Variants in UNC13A observed in about 807,000 individuals in gnomAD.
The protein encoded by UNC13A is unc-13 homolog A.
A neutral mutation model predicts 219.7 loss-of-function variants in UNC13A; 61 were observed. The ratio of observed to expected loss-of-function variants is 0.28; its 90% CI spans 0.23 to 0.34. The LOEUF is 0.34. UNC13A is among the 10% of genes least tolerant of loss of function. UNC13A has a pLI of 1.00. For missense variants in UNC13A, 1,476 were observed against 2,270.3 expected (o/e 0.65, Z 7.11); for synonymous variants, 920 against 884.6 (o/e 1.04, Z -0.71).
intron 4 of UNC13A, among the ~76,000 whole-genome samples, chr19:17,670,377 A>T (rs1029989465): frequency 6.6e-6 from 1 of 151,758 alleles, no homozygotes; most frequent in Non-Finnish European, 1.5e-5. Flanking sequence ...AGCTGCTGGG[A>T]TTACAGGTAC....
intron 1 of UNC13A, among the ~76,000 whole-genome samples, chr19:17,684,162 G>T (rs1036258960): frequency 1.3e-5 from 2 of 152,134 alleles, no homozygotes; most frequent in Non-Finnish European, 2.9e-5. Flanking sequence ...AGGAAGATCT[G>T]GAAGTAACCC....
intron 1 of UNC13A, among the ~76,000 whole-genome samples, chr19:17,676,889 CT>C (rs572007114): frequency 2.0e-5 from 3 of 152,278 alleles, no homozygotes; most frequent in African/African-American, 7.2e-5. Context: ...TGGCAGGCGC[CT>C]ATAGTCTCAG....
chr19:17,631,220 CTTCT>C (rs2076850745), intron 28 of UNC13A, among the ~76,000 whole-genome samples: 1 of 30,368 alleles, frequency 3.3e-5, no homozygotes, highest in African/African-American at 1.8e-4. Flanking sequence ...TCCTTCCTTC[CTTCT>C]TCCTTCCTTC....
At position 17,647,245 on chromosome 19, in the gene UNC13A, G is replaced by A. The variant is rs1452702332; in HGVS notation, c.2044+20C>T. ...GAGGGTGGAGAAGGAGGGGCCCTAT[G>A]GCGGCCCACGCCCCCTCACCGGTGA... is the stretch of plus-strand genomic sequence containing the variant. On this transcript the variant is annotated intron_variant, in intron 17 of 43. Coordinates refer to ENST00000519716, the MANE Select transcript of UNC13A (RefSeq NM_001080421.3). The A allele has an allele frequency of 9.0e-6, 14 of 1,548,652 alleles. No homozygotes were observed. In the East Asian group the frequency reaches 2.9e-4, roughly 32 times the overall value.
At chr19:17,670,601 A>G (rs897946181) in intron 4 of UNC13A, among the ~76,000 whole-genome samples, 1 of 151,924 alleles carries the variant, frequency 6.6e-6, no homozygotes, top group Non-Finnish European at 1.5e-5. Context: ...GCATTCATTC[A>G]TTCAAAAACA....
intron 37 of UNC13A, among the ~76,000 whole-genome samples, chr19:17,621,004 G>A (rs2076723978): frequency 6.6e-6 from 1 of 152,234 alleles, no homozygotes; most frequent in South Asian, 2.1e-4. Flanking sequence ...TGGGGCACCT[G>A]GGGAGGTGGG....
chr19:17,642,712 TA>T, intron 20 of UNC13A, 132 bp downstream of exon 20: 1 of 744,234 alleles, frequency 1.3e-6, no homozygotes, highest in Non-Finnish European at 2.1e-6. Context: ...GTTTTCCAGG[TA>T]AAGGGAATGG....
chr19:17,653,404 G>A (rs188143248), intron 11 of UNC13A, among the ~76,000 whole-genome samples: 74 of 151,690 alleles, frequency 4.9e-4, no homozygotes, highest in Non-Finnish European at 8.8e-4. Flanking sequence ...CTGGAGTGCA[G>A]TGGCGCAATC....
rs768424710 is a variant in UNC13A at position 17,606,054 on chromosome 19, C to G, written c.5112G>C (p.Ter1704TyrextTer56). 6.5e-7 allele frequency: 1 copy of G among 1,544,320 alleles called. No homozygotes were observed. The highest frequency in any genetic ancestry group is 1.9e-4 in the Middle Eastern group (1 of 5,212). ...AGTGCCGCTCGGCCGACCGCCCGCGCTAAGGCGCAGGCGCGGCACCGCCCT... is the reference window on the plus strand; with the variant it reads ...AGTGCCGCTCGGCCGACCGCCCGCGGTAAGGCGCAGGCGCGGCACCGCCCT... ...AEEGGAAPAP[*>Y] is the part of the protein sequence containing the mutation. Residue 1704 changes from the stop codon to tyrosine (Y), a stop_lost, in exon 44 of 44, where the codon TAG (stop) becomes TAC (tyrosine). Transcript: ENST00000519716.
intron 1 of UNC13A, among the ~76,000 whole-genome samples, chr19:17,684,535 C>G (rs1217255300): frequency 1.3e-5 from 2 of 152,174 alleles, no homozygotes; most frequent in Non-Finnish European, 2.9e-5. Flanking sequence ...GCCTCAGGAT[C>G]CTGCCAAGAC....
chr19:17,620,693 G>T lies in UNC13A; in HGVS notation c.4272C>A (p.Asp1424Glu). ...ACAGACAGTGAGAGGCCGGTCTTAC[G>T]TCTGAGTGGCTTGGCAATTTCACCC... ...KGRVKLPSHS[D>E]GTQMIFNAAK... The change falls in exon 38 of 44, where the codon GAC becomes GAA. Residue 1424 changes from aspartate (D) to glutamate (E), a missense_variant and splice_region_variant. Physicochemically the swap from Asp to Glu is conservative, Grantham distance 45. Coordinates refer to ENST00000519716, the MANE Select transcript of UNC13A (RefSeq NM_001080421.3). The T allele has an allele frequency of 6.2e-7, 1 of 1,613,390 alleles. No homozygotes were observed. The highest frequency in any genetic ancestry group is 8.5e-7 in the Non-Finnish European group (1 of 1,179,720).
In UNC13A at chr19:17,606,039, G is replaced by A. The variant is rs2076521949; in HGVS notation, c.*15C>T. 3 of 1,485,244 alleles carry A rather than the reference G, an allele frequency of 2.0e-6. No homozygotes were observed. Among genetic ancestry groups the A allele is most frequent in the Admixed American group, 2.6e-5 (1 of 38,638 alleles). 92.0% of individuals were successfully genotyped at this position (1,485,244 alleles called of 1,614,324 possible). ...CCTCCGCGCAGGCGCAGTGCCGCTC[G>A]GCCGACCGCCCGCGCTAAGGCGCAG... On this transcript the variant is annotated 3_prime_UTR_variant, in exon 44 of 44. Coordinates refer to ENST00000519716, the MANE Select transcript of UNC13A (RefSeq NM_001080421.3).
At chr19:17,640,390 G>A (rs1341518792) in intron 22 of UNC13A, 121 bp downstream of exon 22, 2 of 1,304,126 alleles carry the variant, frequency 1.5e-6, no homozygotes, top group African/African-American at 1.5e-5. Flanking sequence ...GAGACGGGAA[G>A]TGACTGGTGG....
At chr19:17,648,226 C>A (rs1261588742) in intron 16 of UNC13A, among the ~76,000 whole-genome samples, 1 of 151,242 alleles carries the variant, frequency 6.6e-6, no homozygotes, top group East Asian at 2.0e-4. Context: ...ACCCCTCGAC[C>A]CCCTAGCCCT....
intron 19 of UNC13A, among the ~76,000 whole-genome samples, chr19:17,645,069 C>T (rs532130073): frequency 7.8e-4 from 108 of 138,754 alleles, no homozygotes; most frequent in African/African-American, 2.9e-3. Flanking sequence ...AGTGCAGTGG[C>T]GCAGTCTCAG....
intron 8 of UNC13A, among the ~76,000 whole-genome samples, chr19:17,660,192 G>C (rs1016104240): frequency 2.0e-5 from 3 of 152,070 alleles, no homozygotes; most frequent in Admixed American, 2.0e-4. Flanking sequence ...GAGCCACCTC[G>C]GCCGGCCAGC....
rs768211943 is a variant in UNC13A, at chr19:17,624,961, G to A, written c.4074-9C>T. On this transcript the variant is annotated splice_polypyrimidine_tract_variant and intron_variant, in intron 34 of 43. Coordinates refer to ENST00000519716, the MANE Select transcript of UNC13A (RefSeq NM_001080421.3). ...TGGCAAAGAGGGTCAGGCTGGGGAC[G>A]AGGGGCAGGTCTGAGAGAGGGCCCA... 53 of 1,611,994 alleles carry A rather than the reference G, an allele frequency of 3.3e-5. No individual in the cohort carries two copies. The highest frequency in any genetic ancestry group is 9.9e-5 in the South Asian group (9 of 90,890).
At chr19:17,619,699 C>T (rs1486375156) in intron 38 of UNC13A, among the ~76,000 whole-genome samples, 2 of 152,140 alleles carry the variant, frequency 1.3e-5, no homozygotes, top group East Asian at 1.9e-4. Context: ...TCCCAAAGTG[C>T]TGGGATTACA....
chr19:17,650,230 G>A (rs1441683728), intron 12 of UNC13A, among the ~76,000 whole-genome samples: 1 of 152,136 alleles, frequency 6.6e-6, no homozygotes, highest in Non-Finnish European at 1.5e-5. Flanking sequence ...TATAAATGAG[G>A]CCAGGAGTGG....
Sources: allele counts gnomAD v4.1 joint callset (sites outside exome capture counted in the v4.1 genomes callset), GRCh38; gene constraint gnomAD v4.1.1; transcripts MANE v1.5; gene names NCBI Gene and HGNC (gene_info 2026-07-23, HGNC 2026-07-21).